YWHAE: variants seen among roughly 807,000 people sequenced by gnomAD.
YWHAE encodes 14-3-3 protein epsilon.
A neutral mutation model predicts 30.1 loss-of-function variants in YWHAE; 4 were observed. The ratio of observed to expected loss-of-function variants is 0.13; its 90% confidence interval spans 0.07 to 0.30. The LOEUF (loss-of-function observed/expected upper bound fraction) is 0.30. YWHAE is among the 10% of genes least tolerant of loss of function. The pLI is 1.00. For missense variants in YWHAE, 121 were observed against 315.9 expected (o/e 0.38, Z 4.68); for synonymous variants, 118 against 111.8 (o/e 1.06, Z -0.35).
chr17:1,351,543 C>T (rs997120253), intron 5 of YWHAE, among the ~76,000 whole-genome samples: 4 of 152,140 alleles, frequency 2.6e-5, no homozygotes, highest in African/African-American at 4.8e-5. Flanking sequence ...CCTCCATCAA[C>T]AGGCAGAGAG....
chr17:1,363,518 G>A (rs1425469623), intron 2 of YWHAE, among the ~76,000 whole-genome samples: 1 of 152,032 alleles, frequency 6.6e-6, no homozygotes, highest in Non-Finnish European at 1.5e-5. Context: ...GCCCGCCTTG[G>A]CCTCCCAAAG....
intron 1 of YWHAE, among the ~76,000 whole-genome samples, chr17:1,380,491 G>A (rs1444706188): frequency 6.6e-6 from 1 of 152,126 alleles, no homozygotes; most frequent in Non-Finnish European, 1.5e-5. Flanking sequence ...CCATAACATG[G>A]AGGATATCCA....
chr17:1,361,443 A>G, intron 3 of YWHAE, 145 bp from the exon 4 acceptor site: 1 of 608,156 alleles, frequency 1.6e-6, no homozygotes, highest in South Asian at 3.1e-5. Flanking sequence ...AATTTTAAAC[A>G]CTCTCAGGAA....
At chr17:1,397,685 C>CCTGCTAAGTT (rs1157252321) in intron 1 of YWHAE, among the ~76,000 whole-genome samples, 6 of 152,082 alleles carry the variant, frequency 3.9e-5, no homozygotes, top group Non-Finnish European at 8.8e-5. Context: ...TGTTTGGTGA[C>CCTGCTAAGTT]CAGAACTCCG....
intron 5 of YWHAE, among the ~76,000 whole-genome samples, chr17:1,351,070 C>CAA (rs1011698596): frequency 5.0e-4 from 67 of 133,522 alleles, no homozygotes; most frequent in Admixed American, 4.7e-3. Flanking sequence ...CAAAACAAAA[C>CAA]AAAAAATCAG....
rs964723811 is a variant in YWHAE, at chr17:1,357,582, T to TA, written c.579-3236dup. ...GCAGCAGAGTGAGACTCCGTCAAAA[T>TA]AAAAAAAAAAAGCAAAAAAACCATT... On this transcript the variant is annotated intron_variant, in intron 4 of 5. Coordinates refer to ENST00000264335, the MANE Select transcript of YWHAE (RefSeq NM_006761.5). Among the ~76,000 whole-genome samples, 177 of 135,120 alleles carry TA rather than the reference T, an allele frequency of 1.3e-3. 1 individual carries two copies. The highest frequency in any genetic ancestry group is 3.8e-3 in the Middle Eastern group (1 of 260). 88.6% of individuals were successfully genotyped at this position (135,120 alleles called of 152,430 possible).
intron 5 of YWHAE, among the ~76,000 whole-genome samples, chr17:1,349,166 C>A (rs1300142184): frequency 6.6e-6 from 1 of 152,024 alleles, no homozygotes; most frequent in East Asian, 1.9e-4. Flanking sequence ...CACGGGGAAA[C>A]CCTGTCTCTA....
chr17:1,400,023 C>A (rs746562740), intron 1 of YWHAE, 24 bp downstream of exon 1: 2 of 1,426,878 alleles, frequency 1.4e-6, no homozygotes, highest in African/African-American at 1.4e-5. Context: ...AGAATTCCAG[C>A]CCCCCGTTGC....
Position 1,385,144 on chromosome 17 carries a change from CAAAAAA to C in YWHAE, c.64+14897_64+14902del, listed in dbSNP as rs56023639. On this transcript the variant is annotated intron_variant, in intron 1 of 5. Coordinates refer to ENST00000264335, the MANE Select transcript of YWHAE (RefSeq NM_006761.5). ...TGGGTGACAGGGAAAGACTCTGTCTCAAAAAAAAAAAAAAAAAAAGTAAAGATAAAA... is the reference window on the plus strand; with the variant it reads ...TGGGTGACAGGGAAAGACTCTGTCTCAAAAAAAAAAAAAGTAAAGATAAAA... Among the ~76,000 whole-genome samples the C allele has an allele frequency of 3.3e-4, 29 of 86,810 alleles. 1 individual carries two copies. Among genetic ancestry groups the C allele is most frequent in the Admixed American group, 1.4e-3 (10 of 7,400 alleles). 57.0% of individuals were successfully genotyped at this position (86,810 alleles called of 152,430 possible). A position where few individuals can be genotyped will look rare whatever the true frequency, so the allele number is the denominator to read the frequency against.
chr17:1,361,033 C>T, intron 4 of YWHAE, 59 bp downstream of exon 4: 1 of 1,519,944 alleles, frequency 6.6e-7, no homozygotes, highest in Non-Finnish European at 9.1e-7. Flanking sequence ...CACGGAAAAC[C>T]CAAACAGCGC....
At chr17:1,363,969 G>A (rs1407470691) in intron 2 of YWHAE, among the ~76,000 whole-genome samples, 2 of 152,122 alleles carry the variant, frequency 1.3e-5, no homozygotes, top group Non-Finnish European at 2.9e-5. Context: ...CTAGATGCTA[G>A]GAACACCCTC....
In YWHAE at chr17:1,353,160, C is replaced by T. The variant is rs962400484; in HGVS notation, c.715+1051G>A. ...AAACCTCTTAAGAATAAAAACAGGC[C>T]GGGCACGGTGGCTTGCGCCTGTAAT... On this transcript the variant is annotated intron_variant, in intron 5 of 5. Transcript: ENST00000264335. Among the ~76,000 whole-genome samples the T allele has an allele frequency of 5.9e-5, 9 of 152,034 alleles. No individual in the cohort carries two copies. In the East Asian group the frequency reaches 7.7e-4, roughly 13 times the overall value.
chr17:1,357,916 G>A (rs1194892278), intron 4 of YWHAE, among the ~76,000 whole-genome samples: 1 of 151,038 alleles, frequency 6.6e-6, no homozygotes, highest in Non-Finnish European at 1.5e-5. Context: ...AACACAGCGA[G>A]ACTCTCCTCT....
chr17:1,354,080 C>G, intron 5 of YWHAE, 131 bp downstream of exon 5: 1 of 1,217,286 alleles, frequency 8.2e-7, no homozygotes, highest in Non-Finnish European at 1.1e-6. Flanking sequence ...GCAGCAATTA[C>G]AATTTCATAG....
At chr17:1,366,484 A>AGATC in intron 1 of YWHAE, among the ~76,000 whole-genome samples, 2 of 152,208 alleles carry the variant, frequency 1.3e-5, no homozygotes, top group Middle Eastern at 6.8e-3. Flanking sequence ...ATTGCAACTG[A>AGATC]GATCGCCCCA....
intron 1 of YWHAE, among the ~76,000 whole-genome samples, chr17:1,394,436 C>CAAAAAAAAAAAAAAAAAAA (rs544115909): frequency 1.7e-4 from 10 of 58,548 alleles, no homozygotes; most frequent in African/African-American, 8.8e-4. Flanking sequence ...CTCAAATCCA[C>CAAAAAAAAAAAAAAAAAAA]AAAAAAAAAA....
At chr17:1,373,367 G>A (rs1047920565) in intron 1 of YWHAE, among the ~76,000 whole-genome samples, 1 of 151,486 alleles carries the variant, frequency 6.6e-6, no homozygotes, top group Non-Finnish European at 1.5e-5. Flanking sequence ...CCATTAACAT[G>A]TAATGAAAAG....
At chr17:1,355,489 T>C (rs1342249024) in intron 4 of YWHAE, among the ~76,000 whole-genome samples, 1 of 151,788 alleles carries the variant, frequency 6.6e-6, no homozygotes, top group African/African-American at 2.4e-5. Flanking sequence ...GGACAATACC[T>C]CAAAGTTTAA....
intron 1 of YWHAE, among the ~76,000 whole-genome samples, chr17:1,368,828 C>G (rs2072986558): frequency 6.6e-6 from 1 of 152,144 alleles, no homozygotes; most frequent in Non-Finnish European, 1.5e-5. Context: ...TTAAGTAACC[C>G]AGCTACACAA....
Sources: allele counts gnomAD v4.1 joint callset (sites outside exome capture counted in the v4.1 genomes callset), GRCh38; gene constraint gnomAD v4.1.1; transcripts MANE v1.5; gene names NCBI Gene and HGNC (gene_info 2026-07-23, HGNC 2026-07-21).